Variants in ST8SIA5 observed in about 807,000 individuals in gnomAD.
The protein encoded by ST8SIA5 is ST8 alpha-N-acetyl-neuraminide alpha-2,8-sialyltransferase 5.
A neutral mutation model predicts 40.2 loss-of-function variants in ST8SIA5; 24 were observed. The observed-to-expected ratio is 0.60, with a 90% CI of 0.43 to 0.84. The LOEUF (loss-of-function observed/expected upper bound fraction) is 0.84, where lower values mean the gene tolerates loss of function less well. Ranked by LOEUF, ST8SIA5 falls within the 40% of genes least tolerant of loss-of-function variation. The probability of loss-of-function intolerance (pLI) is 0.00; values close to 1 mark genes in which losing one functional copy is unlikely to be tolerated. For missense variants in ST8SIA5, 465 were observed against 498.5 expected, an observed-to-expected ratio of 0.93 and a Z score of 0.64; for synonymous variants, 198 against 201.8, an observed-to-expected ratio of 0.98 and a Z score of 0.16.
Position 46,674,668 on chromosome 18 carries a change from A to G in ST8SIA5, c.*5374T>C, listed in dbSNP as rs2039329410. ...GGAGAAGGCAAACCTTCTATCAAGG[A>G]CACACGGGCCCTTATGCTGTGTGCT... On this transcript the variant is annotated 3_prime_UTR_variant, in exon 7 of 7. Transcript: ENST00000315087. 1 of 152,288 alleles carries G rather than the reference A, an allele frequency of 6.6e-6. No homozygotes were observed. The highest frequency in any genetic ancestry group is 1.5e-5 in the Non-Finnish European group (1 of 68,084). 9.4% of individuals were successfully genotyped at this position (152,288 alleles called of 1,614,324 possible).
intron 4 of ST8SIA5, among the ~76,000 whole-genome samples, chr18:46,688,023 A>C (rs2144472539): frequency 6.6e-6 from 1 of 152,324 alleles, no homozygotes; most frequent in Middle Eastern, 3.4e-3. Context: ...AGGTGATTGC[A>C]GGTGCTCAGC....
At chr18:46,721,288 C>A (rs148573272) in intron 1 of ST8SIA5, 6 of 1,342,340 alleles carry the variant, frequency 4.5e-6, no homozygotes, top group Admixed American at 2.0e-5. Context: ...AGGAAGTGGA[C>A]AATGTGGCAG....
chr18:46,688,019 T>C (rs1031302057), intron 4 of ST8SIA5, among the ~76,000 whole-genome samples: 1 of 152,236 alleles, frequency 6.6e-6, no homozygotes, highest in Non-Finnish European at 1.5e-5. Flanking sequence ...GCCCAGGTGA[T>C]TGCAGGTGCT....
chr18:46,679,973 C>A lies in ST8SIA5; in HGVS notation c.*69G>T. On this transcript the variant is annotated 3_prime_UTR_variant, in exon 7 of 7. Transcript: ENST00000315087. ...GGACCCCACGCTGCCCGGTTCGGGGCTCCCAGTTCCACCAGGAGGGACAGC... is the reference window on the plus strand; with the variant it reads ...GGACCCCACGCTGCCCGGTTCGGGGATCCCAGTTCCACCAGGAGGGACAGC... The A allele has an allele frequency of 3.4e-6, 5 of 1,478,304 alleles. No homozygotes were observed. The highest frequency in any genetic ancestry group is 4.6e-6 in the Non-Finnish European group (5 of 1,096,676). The allele number at this position is 1,478,304 out of a possible 1,614,324, so 91.6% of individuals were successfully genotyped here. A position where few individuals can be genotyped will look rare whatever the true frequency, so the allele number is the denominator to read the frequency against.
At chr18:46,723,476 T>C (rs1403530851) in intron 1 of ST8SIA5, among the ~76,000 whole-genome samples, 2 of 151,684 alleles carry the variant, frequency 1.3e-5, no homozygotes, top group Non-Finnish European at 2.9e-5. Context: ...CCCTTGATCC[T>C]GGGAGGTGGA....
At chr18:46,743,153 C>T (rs1159219383) in intron 1 of ST8SIA5, among the ~76,000 whole-genome samples, 2 of 152,172 alleles carry the variant, frequency 1.3e-5, no homozygotes, top group Non-Finnish European at 2.9e-5. Flanking sequence ...GGTGCCTCTT[C>T]CCCTCCAAAG....
At chr18:46,711,436 C>A (rs1439202451) in intron 1 of ST8SIA5, among the ~76,000 whole-genome samples, 2 of 152,178 alleles carry the variant, frequency 1.3e-5, no homozygotes, top group Non-Finnish European at 2.9e-5. Flanking sequence ...GGAAAAGAAA[C>A]CTGAGGACTG....
chr18:46,710,354 C>T (rs2039711173), intron 1 of ST8SIA5, among the ~76,000 whole-genome samples: 2 of 146,722 alleles, frequency 1.4e-5, no homozygotes, highest in Non-Finnish European at 3.0e-5. Context: ...TTCCTTCTTT[C>T]CTTCTTTCTT....
rs1349718097 is a variant in ST8SIA5 at position 46,722,254 on chromosome 18, A to G, written c.132-17590T>C. ...AAGCAGTCAGACAACCCTCTCCCCA[A>G]CGCCCTGTGAATTCCCATACCAGGC... On this transcript the variant is annotated intron_variant, in intron 1 of 6. Transcript: ENST00000315087. 3.3e-5 allele frequency among the ~76,000 whole-genome samples: 5 copies of G among 152,076 alleles called. No homozygotes were observed. The South Asian group carries it at 6.2e-4, about 19-fold the overall frequency.
chr18:46,690,853 T>C, intron 3 of ST8SIA5, among the ~76,000 whole-genome samples: 1 of 152,100 alleles, frequency 6.6e-6, no homozygotes, highest in African/African-American at 2.4e-5. Flanking sequence ...TGACCTCAGG[T>C]GATTCACCCG....
chr18:46,718,313 G>A (rs1336613068), intron 1 of ST8SIA5, among the ~76,000 whole-genome samples: 1 of 130,226 alleles, frequency 7.7e-6, no homozygotes, highest in Non-Finnish European at 1.6e-5. Context: ...CTGAGCAATG[G>A]AGTGAAACTC....
chr18:46,721,567 T>A (rs2039864075), intron 1 of ST8SIA5: 1 of 994,332 alleles, frequency 1.0e-6, no homozygotes, highest in South Asian at 1.4e-5. Context: ...AAGTGACACA[T>A]TGCCTTGGTC....
At chr18:46,685,371 G>T (rs1398057477) in intron 5 of ST8SIA5, among the ~76,000 whole-genome samples, 1 of 152,350 alleles carries the variant, frequency 6.6e-6, no homozygotes, top group Non-Finnish European at 1.5e-5. Flanking sequence ...GGCGTCCACA[G>T]GGAGCACATG....
intron 5 of ST8SIA5, among the ~76,000 whole-genome samples, chr18:46,684,217 A>G (rs535438553): frequency 2.0e-5 from 3 of 152,296 alleles, no homozygotes; most frequent in African/African-American, 4.8e-5. Flanking sequence ...GACATTTACT[A>G]TCATATTATC....
intron 1 of ST8SIA5, among the ~76,000 whole-genome samples, chr18:46,705,800 G>A (rs1001483789): frequency 6.6e-6 from 1 of 152,224 alleles, no homozygotes; most frequent in South Asian, 2.1e-4. Context: ...GGGATCAGTG[G>A]CCTGGCAACA....
At chr18:46,754,615 G>A (rs1017863043) in intron 1 of ST8SIA5, among the ~76,000 whole-genome samples, 4 of 152,210 alleles carry the variant, frequency 2.6e-5, no homozygotes, top group Non-Finnish European at 2.9e-5. Flanking sequence ...TGCGATTCAG[G>A]GGGTCAGGGT....
intron 1 of ST8SIA5, among the ~76,000 whole-genome samples, chr18:46,752,306 C>T (rs891214107): frequency 2.0e-5 from 3 of 152,124 alleles, no homozygotes; most frequent in Non-Finnish European, 2.9e-5. Context: ...TTTCTGTCTT[C>T]CCAATAGCCA....
intron 5 of ST8SIA5, 132 bp from the exon 6 acceptor site, chr18:46,682,196 C>G (rs370448905): frequency 1.6e-5 from 10 of 645,090 alleles, no homozygotes; most frequent in East Asian, 1.4e-4. Flanking sequence ...GGCAGGTTCT[C>G]TGTAGCCAGG....
chr18:46,686,406 G>C lies in ST8SIA5; in HGVS notation c.457-120C>G, dbSNP rs2039448322. 6.3e-5 allele frequency: 48 copies of C among 765,420 alleles called. No homozygotes were observed. In the East Asian group the frequency reaches 1.3e-3, roughly 21 times the overall value. The allele number at this position is 765,420 out of a possible 1,614,324, so 47.4% of individuals were successfully genotyped here. On this transcript the variant is annotated intron_variant, in intron 4 of 6. Transcript: ENST00000315087. The stretch of plus-strand genomic sequence containing the variant: ...CCTGGTCCCAAGAGGCAGCCTTGTG[G>C]GGAATGTGGGAGGAAAGCGGCTTTC...
Sources: allele counts gnomAD v4.1 joint callset (sites outside exome capture counted in the v4.1 genomes callset), GRCh38; gene constraint gnomAD v4.1.1; transcripts MANE v1.5; gene names NCBI Gene and HGNC (gene_info 2026-07-23, HGNC 2026-07-21).